TMEM250: variants seen among roughly 807,000 people sequenced by gnomAD.
TMEM250 encodes the protein transmembrane protein 250.
TMEM250 carries 7 observed loss-of-function variants against 7.0 expected under a neutral mutation model. The ratio of observed to expected loss-of-function variants is 1.00; its 90% CI spans 0.57 to 1.87. The LOEUF is 1.87. TMEM250 is among the 40% of genes most tolerant of loss of function. The pLI is 0.00. For synonymous variants in TMEM250, 135 were observed against 96.7 expected (o/e 1.40, Z -2.32); for missense variants, 196 against 202.5 (o/e 0.97, Z 0.19).
chr9:136,118,302 T>G (rs1359958787), intron 1 of TMEM250, 183 bp downstream of exon 1: 3 of 152,208 alleles, frequency 2.0e-5, no homozygotes, highest in East Asian at 1.9e-4. Context: ...GACCCAGGAC[T>G]GTTTCCTCGG....
chr9:136,116,011 G>A lies in TMEM250; in HGVS notation c.*470C>T. Reference sequence around the variant, plus strand: ...GCAGTGTGGTGTGTCAGCGAGGGGAGCCTTCCGTGTCCCGTTGGCTGGGGC... The same window carrying A: ...GCAGTGTGGTGTGTCAGCGAGGGGAACCTTCCGTGTCCCGTTGGCTGGGGC... On this transcript the variant is annotated 3_prime_UTR_variant, in exon 2 of 2. Coordinates refer to ENST00000418388, the MANE Select transcript of TMEM250 (RefSeq NM_152833.3). 4.9e-6 allele frequency: 2 copies of A among 406,852 alleles called. No individual in the cohort carries two copies. Among genetic ancestry groups the A allele is most frequent in the Non-Finnish European group, 4.3e-6 (1 of 231,766 alleles). 25.2% of individuals were successfully genotyped at this position (406,852 alleles called of 1,614,324 possible).
chr9:136,118,316 C>A (rs1588599800), intron 1 of TMEM250, 169 bp downstream of exon 1: 1 of 152,284 alleles, frequency 6.6e-6, no homozygotes, highest in South Asian at 2.1e-4. Flanking sequence ...TCCTCGGGGC[C>A]GCAGAGACGC....
chr9:136,115,563 G>C lies in TMEM250; in HGVS notation c.*918C>G, dbSNP rs1830684229. On this transcript the variant is annotated 3_prime_UTR_variant, in exon 2 of 2. Transcript: ENST00000418388. Reference sequence around the variant, plus strand: ...CACTTGGGACACGCGTTTCCATCCTGGCTCACTGAAGCCTCGATCTCCCAG... The same window carrying C: ...CACTTGGGACACGCGTTTCCATCCTCGCTCACTGAAGCCTCGATCTCCCAG... 1.3e-5 allele frequency: 2 copies of C among 152,334 alleles called. No individual in the cohort carries two copies. The highest frequency in any genetic ancestry group is 4.1e-4 in the South Asian group (2 of 4,832). The allele number at this position is 152,334 out of a possible 1,614,324, so 9.4% of individuals were successfully genotyped here. A position where few individuals can be genotyped will look rare whatever the true frequency, so the allele number is the denominator to read the frequency against.
chr9:136,116,371 C>CCATTAA lies in TMEM250; in HGVS notation c.*109_*110insTTAATG. ...TTCTTTTCTCTCCGTGGGCGCCGGG[C>CCATTAA]AGCAGCGACTGCCTGGGGGATGGGC... is the stretch of plus-strand genomic sequence containing the variant. On this transcript the variant is annotated 3_prime_UTR_variant, in exon 2 of 2. Transcript: ENST00000418388. The CCATTAA allele has an allele frequency of 7.0e-7, 1 of 1,428,334 alleles. No homozygotes were observed. The highest frequency in any genetic ancestry group is 9.1e-7 in the Non-Finnish European group (1 of 1,094,446). 88.5% of individuals were successfully genotyped at this position (1,428,334 alleles called of 1,614,324 possible).
intron 1 of TMEM250, 114 bp from the exon 2 acceptor site, chr9:136,117,138 T>TG: frequency 3.4e-6 from 2 of 592,584 alleles, no homozygotes; most frequent in East Asian, 3.9e-5. Flanking sequence ...TACGGGAAAA[T>TG]GGAGTCCAGG....
At chr9:136,117,066 C>T (rs753650432) in intron 1 of TMEM250, 42 bp from the exon 2 acceptor site, 13 of 1,168,738 alleles carry the variant, frequency 1.1e-5, no homozygotes, top group Non-Finnish European at 1.4e-5. Context: ...ATGAGGACAC[C>T]ATGCGGATCC....
At chr9:136,118,019 G>A (rs1256004899) in intron 1 of TMEM250, 2 of 152,288 alleles carry the variant, frequency 1.3e-5, no homozygotes, top group East Asian at 3.8e-4. Context: ...GGCCAGGGCG[G>A]AGGAGGGAGG....
In TMEM250 at chr9:136,116,597, C is replaced by G. The variant is rs1830706091; in HGVS notation, c.304G>C (p.Gly102Arg). ...RKLSVLLLLL[G>R]RRRVDFRLVN... is the part of the protein sequence containing the mutation. ...AGGCGGAAGTCCACGCGCCGGCGGCCCAGCAGCAGCAGCAGCACCGACAGC... is the reference window on the plus strand; with the variant it reads ...AGGCGGAAGTCCACGCGCCGGCGGCGCAGCAGCAGCAGCAGCACCGACAGC... The change falls in exon 2 of 2, where the codon GGC becomes CGC. Residue 102 changes from glycine (G) to arginine (R), a missense_variant. Coordinates refer to ENST00000418388, the MANE Select transcript of TMEM250 (RefSeq NM_152833.3). 1.9e-6 allele frequency: 3 copies of G among 1,604,798 alleles called. No individual in the cohort carries two copies. The highest frequency in any genetic ancestry group is 1.7e-6 in the Non-Finnish European group (2 of 1,179,532).
At position 136,115,985 on chromosome 9, in the gene TMEM250, G is replaced by T; in HGVS notation, c.*496C>A. The T allele has an allele frequency of 2.4e-6, 1 of 408,376 alleles. No homozygotes were observed. Among genetic ancestry groups the T allele is most frequent in the Non-Finnish European group, 4.3e-6 (1 of 232,754 alleles). 25.3% of individuals were successfully genotyped at this position (408,376 alleles called of 1,614,324 possible). A position where few individuals can be genotyped will look rare whatever the true frequency, so the allele number is the denominator to read the frequency against. ...CCCAGGGCAGAGTAAGCAGCTTTGT[G>T]GCAGTGTGGTGTGTCAGCGAGGGGA... On this transcript the variant is annotated 3_prime_UTR_variant, in exon 2 of 2. Transcript: ENST00000418388.
rs1165955517 is a variant in TMEM250 at position 136,116,432 on chromosome 9, G to A, written c.*49C>T. The stretch of plus-strand genomic sequence containing the variant: ...CGCTGGCCGACCCCACCCATGGAGA[G>A]AACACAGCCACAGGCCGGGACGATA... On this transcript the variant is annotated 3_prime_UTR_variant, in exon 2 of 2. Coordinates refer to ENST00000418388, the MANE Select transcript of TMEM250 (RefSeq NM_152833.3). The A allele has an allele frequency of 2.0e-6, 3 of 1,473,032 alleles. No individual in the cohort carries two copies. The highest frequency in any genetic ancestry group is 4.4e-5 in the Admixed American group (2 of 45,238). 91.2% of individuals were successfully genotyped at this position (1,473,032 alleles called of 1,614,324 possible).
chr9:136,117,930 G>A (rs938991275), intron 1 of TMEM250: 2 of 152,444 alleles, frequency 1.3e-5, no homozygotes, highest in African/African-American at 2.4e-5. Context: ...GAGCAGGAAA[G>A]TTGGTAACAT....
At chr9:136,117,637 C>A (rs905781711) in intron 1 of TMEM250, among the ~76,000 whole-genome samples, 1 of 152,242 alleles carries the variant, frequency 6.6e-6, no homozygotes, top group African/African-American at 2.4e-5. Flanking sequence ...CACTGTCCTT[C>A]CCTAGCAGTG....
rs1449264152 is a variant in TMEM250, at chr9:136,115,894, G to C, written c.*587C>G. 5 of 388,518 alleles carry C rather than the reference G, an allele frequency of 1.3e-5. No individual in the cohort carries two copies. Among genetic ancestry groups the C allele is most frequent in the African/African-American group, 1.0e-4 (5 of 48,438 alleles). 24.1% of individuals were successfully genotyped at this position (388,518 alleles called of 1,614,324 possible). A position where few individuals can be genotyped will look rare whatever the true frequency, so the allele number is the denominator to read the frequency against. On this transcript the variant is annotated 3_prime_UTR_variant, in exon 2 of 2. Coordinates refer to ENST00000418388, the MANE Select transcript of TMEM250 (RefSeq NM_152833.3). Reference sequence around the variant, plus strand: ...CCCTGAAGGCTGGCTGGGGACTCAGGACCCACACAGCCCCTCAGGATGACA... The same window carrying C: ...CCCTGAAGGCTGGCTGGGGACTCAGCACCCACACAGCCCCTCAGGATGACA...
Position 136,117,513 on chromosome 9 carries a change from C to T in TMEM250, c.-124-489G>A, listed in dbSNP as rs552352893. 1.2e-4 allele frequency among the ~76,000 whole-genome samples: 18 copies of T among 152,388 alleles called. No individual in the cohort carries two copies. In the South Asian group the frequency reaches 3.5e-3, roughly 30 times the overall value. On this transcript the variant is annotated intron_variant, in intron 1 of 1. Coordinates refer to ENST00000418388, the MANE Select transcript of TMEM250 (RefSeq NM_152833.3). The stretch of plus-strand genomic sequence containing the variant: ...AGGGCCGGGAAAAGGGACTCCAGGG[C>T]TCGCAGGTGAACCGAAAACGAGCCC...
chr9:136,117,121 C>T (rs1391168148), intron 1 of TMEM250, 97 bp from the exon 2 acceptor site: 5 of 689,864 alleles, frequency 7.2e-6, no homozygotes, highest in African/African-American at 3.9e-5. Flanking sequence ...AACTCCAGCA[C>T]CAGGACTACG....
In TMEM250 at chr9:136,116,269, G is replaced by T; in HGVS notation, c.*212C>A. On this transcript the variant is annotated 3_prime_UTR_variant, in exon 2 of 2. Coordinates refer to ENST00000418388, the MANE Select transcript of TMEM250 (RefSeq NM_152833.3). ...CGGCAGGTGGGCGCTGCCCCTGAGAGTGCATACGGGGAGGGTGGGTCCAGG... is the reference window on the plus strand; with the variant it reads ...CGGCAGGTGGGCGCTGCCCCTGAGATTGCATACGGGGAGGGTGGGTCCAGG... 1 of 991,542 alleles carries T rather than the reference G, an allele frequency of 1.0e-6. No homozygotes were observed. Among genetic ancestry groups the T allele is most frequent in the South Asian group, 1.8e-5 (1 of 54,680 alleles). The allele number at this position is 991,542 out of a possible 1,614,324, so 61.4% of individuals were successfully genotyped here.
At position 136,115,160 on chromosome 9, in the gene TMEM250, G is replaced by C. The variant is rs1830677331; in HGVS notation, c.*1321C>G. ...ATTTGAGGTGACACTAGGGTTGTCA[G>C]TACCACACCCTGTGTCCTGCTCTAG... On this transcript the variant is annotated 3_prime_UTR_variant, in exon 2 of 2. Transcript: ENST00000418388. The C allele has an allele frequency of 6.6e-6, 1 of 152,252 alleles. No individual in the cohort carries two copies. The highest frequency in any genetic ancestry group is 2.4e-5 in the African/African-American group (1 of 41,444). The allele number at this position is 152,252 out of a possible 1,614,324, so 9.4% of individuals were successfully genotyped here.
rs1216446514 is a variant in TMEM250, at chr9:136,116,019, T to C, written c.*462A>G. On this transcript the variant is annotated 3_prime_UTR_variant, in exon 2 of 2. Transcript: ENST00000418388. ...GTGTGTCAGCGAGGGGAGCCTTCCG[T>C]GTCCCGTTGGCTGGGGCTGGGGCCA... 2.5e-6 allele frequency: 1 copy of C among 407,636 alleles called. No homozygotes were observed. The highest frequency in any genetic ancestry group is 4.3e-6 in the Non-Finnish European group (1 of 232,142). The allele number at this position is 407,636 out of a possible 1,614,324, so 25.3% of individuals were successfully genotyped here. A position where few individuals can be genotyped will look rare whatever the true frequency, so the allele number is the denominator to read the frequency against.
intron 1 of TMEM250, chr9:136,118,059 G>C (rs182693482): frequency 0.019 from 2,959 of 152,370 alleles, 58 homozygotes; most frequent in Non-Finnish European, 0.023. Context: ...TCCCGTGCCC[G>C]CAGGGGCCCG....
Sources: gnomAD v4.1 joint callset for allele counts (sites outside exome capture counted in the v4.1 genomes callset) on GRCh38, gnomAD v4.1.1 for gene constraint, MANE v1.5 for transcripts, NCBI Gene and HGNC (gene_info 2026-07-23, HGNC 2026-07-21) for gene names.